The following CNTN3 variants were observed in gnomAD, a reference collection of about 807,000 sequenced individuals.
CNTN3 encodes the protein contactin 3, also known as contactin-3.
In CNTN3, 60 loss-of-function variants were observed where a neutral mutation model predicts 119.1. The ratio of observed to expected loss-of-function variants is 0.50; its 90% CI spans 0.41 to 0.62. The LOEUF is 0.62. Among genes scored for constraint, CNTN3 ranks in the 20% least tolerant of loss-of-function variants. CNTN3 has a pLI of 0.00. For missense variants in CNTN3, 1,101 were observed against 1,242.4 expected (o/e 0.89, Z 1.71); for synonymous variants, 450 against 438.7 (o/e 1.03, Z -0.32).
intron 1 of CNTN3, among the ~76,000 whole-genome samples, chr3:74,560,506 A>G (rs2107173193): frequency 6.6e-6 from 1 of 152,316 alleles, no homozygotes; most frequent in Non-Finnish European, 1.5e-5. Context: ...ACATATTTAT[A>G]GAAATTTAGA....
Position 74,355,448 on chromosome 3 carries a change from TTTTTG to T in CNTN3, c.1364+6437_1364+6441del, listed in dbSNP as rs71625969. On this transcript the variant is annotated intron_variant, in intron 11 of 22. Coordinates refer to ENST00000263665, the MANE Select transcript of CNTN3 (RefSeq NM_020872.3). ...TTCAACCCATCTGCTGGTACCAGTG[TTTTTG>T]TTTTGTTTTGTTTTGTTTTGAGACA... Among the ~76,000 whole-genome samples, 40 of 150,696 alleles carry T rather than the reference TTTTTG, an allele frequency of 2.7e-4. 1 individual carries two copies. Among genetic ancestry groups the T allele is most frequent in the South Asian group, 8.4e-4 (4 of 4,756 alleles).
chr3:74,267,839 T>C (rs1701693940), intron 20 of CNTN3, among the ~76,000 whole-genome samples: 1 of 152,108 alleles, frequency 6.6e-6, no homozygotes, highest in Non-Finnish European at 1.5e-5. Context: ...GGACTTATTT[T>C]GACGCATACA....
At chr3:74,363,730 T>C (rs1704127502) in intron 10 of CNTN3, among the ~76,000 whole-genome samples, 1 of 152,102 alleles carries the variant, frequency 6.6e-6, no homozygotes. Context: ...AACCTGATAA[T>C]AGTGATGATA....
rs73842107 is a variant in CNTN3, at chr3:74,567,074, G to T, written c.-80-45882C>A. Among the ~76,000 whole-genome samples the T allele has an allele frequency of 9.4e-3, 1,435 of 152,146 alleles. 23 individuals carry two copies. The highest frequency in any genetic ancestry group is 0.033 in the African/African-American group (1,363 of 41,502). On this transcript the variant is annotated intron_variant, in intron 1 of 22. Transcript: ENST00000263665. ...GAGCGTAGCAGATACGACAGCACAAGCACAGTCTGTACAAGGGGCCACATA... is the reference window on the plus strand; with the variant it reads ...GAGCGTAGCAGATACGACAGCACAATCACAGTCTGTACAAGGGGCCACATA...
Position 74,369,179 on chromosome 3 carries a change from A to G in CNTN3, c.946+10T>C, listed in dbSNP as rs747044033. On this transcript the variant is annotated intron_variant, in intron 8 of 22. Coordinates refer to ENST00000263665, the MANE Select transcript of CNTN3 (RefSeq NM_020872.3). ...GCTAAAACTCCAATTTGCCCAAAGC[A>G]GATGCTCACCATAGTAAGTGAGACG... 1.9e-6 allele frequency: 3 copies of G among 1,576,454 alleles called. No homozygotes were observed. Among genetic ancestry groups the G allele is most frequent in the African/African-American group, 2.8e-5 (2 of 72,666 alleles).
intron 4 of CNTN3, among the ~76,000 whole-genome samples, chr3:74,426,416 T>C (rs994114573): frequency 6.6e-6 from 1 of 152,098 alleles, no homozygotes; most frequent in Admixed American, 6.5e-5. Context: ...CAACTTTTCT[T>C]TGAAAAATAT....
intron 1 of CNTN3, among the ~76,000 whole-genome samples, chr3:74,590,270 A>G (rs1207077984): frequency 6.6e-6 from 1 of 152,010 alleles, no homozygotes; most frequent in African/African-American, 2.4e-5. Context: ...TGGGTATCTG[A>G]CATTTGCAAC....
intron 4 of CNTN3, among the ~76,000 whole-genome samples, chr3:74,485,981 T>C (rs1559627077): frequency 6.6e-6 from 1 of 152,152 alleles, no homozygotes; most frequent in Non-Finnish European, 1.5e-5. Context: ...TCACCACATA[T>C]GGTAACTTCT....
intron 2 of CNTN3, among the ~76,000 whole-genome samples, chr3:74,504,503 G>T (rs560258153): frequency 6.6e-6 from 1 of 152,226 alleles, no homozygotes; most frequent in African/African-American, 2.4e-5. Context: ...TTTGGCAATG[G>T]TAGTTTAAAG....
intron 20 of CNTN3, among the ~76,000 whole-genome samples, chr3:74,282,582 G>A: frequency 6.6e-6 from 1 of 152,140 alleles, no homozygotes; most frequent in East Asian, 1.9e-4. Flanking sequence ...AATCCATAGG[G>A]GAAGAGCGAT....
At chr3:74,555,187 T>C (rs1704051054) in intron 1 of CNTN3, among the ~76,000 whole-genome samples, 1 of 152,240 alleles carries the variant, frequency 6.6e-6, no homozygotes, top group South Asian at 2.1e-4. Context: ...GTTTTTGTCA[T>C]TGGTTATGTT....
chr3:74,382,625 T>G (rs1052867738), intron 5 of CNTN3, among the ~76,000 whole-genome samples: 1 of 152,340 alleles, frequency 6.6e-6, no homozygotes, highest in Admixed American at 6.5e-5. Context: ...GATATTTGTC[T>G]TTCTGTGCCT....
chr3:74,529,509 C>G (rs942143217), intron 1 of CNTN3, among the ~76,000 whole-genome samples: 1 of 151,796 alleles, frequency 6.6e-6, no homozygotes, highest in Non-Finnish European at 1.5e-5. Context: ...AAATAATTTA[C>G]TTATTATTTG....
intron 1 of CNTN3, among the ~76,000 whole-genome samples, chr3:74,526,492 T>C (rs1703621150): frequency 6.6e-6 from 1 of 151,870 alleles, no homozygotes; most frequent in Non-Finnish European, 1.5e-5. Flanking sequence ...ATCCATAATC[T>C]TCACATCTTC....
At position 74,574,672 on chromosome 3, in the gene CNTN3, C is replaced by T. The variant is rs532166186; in HGVS notation, c.-81+39719G>A. 3.3e-5 allele frequency among the ~76,000 whole-genome samples: 5 copies of T among 152,236 alleles called. No homozygotes were observed. In the South Asian group the frequency reaches 1.0e-3, roughly 32 times the overall value. On this transcript the variant is annotated intron_variant, in intron 1 of 22. Transcript: ENST00000263665. ...TACACATATAACTTCAATCATTCCA[C>T]TTGCAATAATCACCTTTGGAACCAT...
chr3:74,565,829 C>T (rs912652851), intron 1 of CNTN3, among the ~76,000 whole-genome samples: 1 of 152,100 alleles, frequency 6.6e-6, no homozygotes, highest in African/African-American at 2.4e-5. Flanking sequence ...GCTGTGTCCC[C>T]ACCCAAATCT....
intron 5 of CNTN3, among the ~76,000 whole-genome samples, chr3:74,380,879 G>T: frequency 6.6e-6 from 1 of 151,974 alleles, no homozygotes; most frequent in African/African-American, 2.4e-5. Context: ...AATGTCATGG[G>T]GGCTTCATTG....
intron 1 of CNTN3, among the ~76,000 whole-genome samples, chr3:74,583,970 G>T (rs192072172): frequency 2.1e-3 from 321 of 152,198 alleles, no homozygotes; most frequent in Admixed American, 6.9e-3. Flanking sequence ...TTTGAACCAA[G>T]GAACTAATTC....
chr3:74,377,015 A>G (rs1704491826), intron 5 of CNTN3, among the ~76,000 whole-genome samples: 1 of 152,174 alleles, frequency 6.6e-6, no homozygotes. Context: ...TAATATGATT[A>G]TAAGATCAAT....
Sources: allele counts gnomAD v4.1 joint callset (sites outside exome capture counted in the v4.1 genomes callset), GRCh38; gene constraint gnomAD v4.1.1; transcripts MANE v1.5; gene names NCBI Gene and HGNC (gene_info 2026-07-23, HGNC 2026-07-21).